Variants in PTPRD observed in about 807,000 individuals in gnomAD.
The protein encoded by PTPRD is receptor-type tyrosine-protein phosphatase delta.
PTPRD carries 34 observed loss-of-function variants against 214.5 expected under a neutral mutation model. The ratio of observed to expected loss-of-function variants is 0.16; its 90% CI spans 0.12 to 0.21. PTPRD has a LOEUF of 0.21. Among genes scored for constraint, PTPRD ranks in the 10% least tolerant of loss-of-function variants. PTPRD has a pLI of 1.00. For synonymous variants in PTPRD, 1,128 were observed against 845.7 expected (o/e 1.33, Z -5.79); for missense variants, 2,545 against 2,398.7 (o/e 1.06, Z -1.27).
At chr9:8,575,923 A>T (rs1012348621) in intron 14 of PTPRD, among the ~76,000 whole-genome samples, 23 of 152,092 alleles carry the variant, frequency 1.5e-4, no homozygotes, top group African/African-American at 5.3e-4. Context: ...TCCATAATCG[A>T]CTCTGCTATA....
At position 8,962,482 on chromosome 9, in the gene PTPRD, G is replaced by A. The variant is rs143631641; in HGVS notation, c.-104+56215C>T. ...TTGGCAGTCATCTTCCCTACCAAATGACTAAAGATAAGACATGGGGGAGGG... is the reference window on the plus strand; with the variant it reads ...TTGGCAGTCATCTTCCCTACCAAATAACTAAAGATAAGACATGGGGGAGGG... On this transcript the variant is annotated intron_variant, in intron 11 of 45. Coordinates refer to ENST00000381196, the MANE Select transcript of PTPRD (RefSeq NM_002839.4). Among the ~76,000 whole-genome samples the A allele has an allele frequency of 3.8e-3, 583 of 151,934 alleles. 1 individual carries two copies. The highest frequency in any genetic ancestry group is 5.8e-3 in the Admixed American group (88 of 15,220).
At chr9:8,430,813 A>G (rs2094996426) in intron 35 of PTPRD, among the ~76,000 whole-genome samples, 1 of 152,120 alleles carries the variant, frequency 6.6e-6, no homozygotes, top group Non-Finnish European at 1.5e-5. Flanking sequence ...TAAGAGTGCC[A>G]TCTTCTCTTC....
At position 9,633,269 on chromosome 9, in the gene PTPRD, T is replaced by C. The variant is rs958853844; in HGVS notation, c.-286-58488A>G. 2.0e-5 allele frequency among the ~76,000 whole-genome samples: 3 copies of C among 150,362 alleles called. No homozygotes were observed. The Admixed American group carries it at 2.0e-4, about 10-fold the overall frequency. ...TAGATCACACCACTGCATTCCACAC[T>C]CCAGCCTGGGAGAGAGAGTGAGACT... is the stretch of plus-strand genomic sequence containing the variant. On this transcript the variant is annotated intron_variant, in intron 7 of 45. Coordinates refer to ENST00000381196, the MANE Select transcript of PTPRD (RefSeq NM_002839.4).
intron 9 of PTPRD, among the ~76,000 whole-genome samples, chr9:9,289,485 G>A (rs1950498049): frequency 6.6e-6 from 1 of 151,676 alleles, no homozygotes; most frequent in Admixed American, 6.6e-5. Context: ...CTATTTGCAT[G>A]TGTGTGTGTG....
chr9:9,768,370 A>G (rs1459149332), intron 5 of PTPRD, among the ~76,000 whole-genome samples: 4 of 152,208 alleles, frequency 2.6e-5, no homozygotes, highest in African/African-American at 9.6e-5. Flanking sequence ...TGAAAAGTAA[A>G]ATATTAAATA....
chr9:8,938,620 T>C (rs544967473), intron 11 of PTPRD, among the ~76,000 whole-genome samples: 70 of 152,036 alleles, frequency 4.6e-4, no homozygotes, highest in Non-Finnish European at 7.8e-4. Context: ...TTCAATCTGA[T>C]AGCATTTAAT....
At chr9:9,488,095 A>C (rs2095734885) in intron 8 of PTPRD, among the ~76,000 whole-genome samples, 1 of 152,154 alleles carries the variant, frequency 6.6e-6, no homozygotes, top group African/African-American at 2.4e-5. Context: ...TTTGCAGCAG[A>C]AGAAATGGAG....
intron 11 of PTPRD, among the ~76,000 whole-genome samples, chr9:8,953,875 G>A (rs1320102715): frequency 6.6e-6 from 1 of 152,024 alleles, no homozygotes; most frequent in South Asian, 2.1e-4. Context: ...GCAAAGAAAA[G>A]GGGACACTTA....
rs184936092 is a variant in PTPRD, at chr9:10,222,014, T to A, written c.-545+118949A>T. On this transcript the variant is annotated intron_variant, in intron 3 of 45. Coordinates refer to ENST00000381196, the MANE Select transcript of PTPRD (RefSeq NM_002839.4). ...GTTACTTATATCAGAAATAGAAAAC[T>A]GTGAGAAAAAAAATGCCAGCTAAAC... 7.3e-3 allele frequency among the ~76,000 whole-genome samples: 1,107 copies of A among 150,886 alleles called. 18 individuals are homozygous for A. The highest frequency in any genetic ancestry group is 8.2e-3 in the Non-Finnish European group (554 of 67,896).
At chr9:9,545,567 A>C (rs1011625184) in intron 8 of PTPRD, among the ~76,000 whole-genome samples, 7 of 151,896 alleles carry the variant, frequency 4.6e-5, no homozygotes, top group Non-Finnish European at 8.8e-5. Context: ...AGCTATTTTA[A>C]ATATCTGTGT....
At chr9:10,023,325 C>A (rs946483969) in intron 4 of PTPRD, among the ~76,000 whole-genome samples, 1 of 152,094 alleles carries the variant, frequency 6.6e-6, no homozygotes, top group African/African-American at 2.4e-5. Context: ...GGGAAAGGAA[C>A]CTGGGCCTCT....
chr9:8,561,768 A>G (rs766004004), intron 14 of PTPRD, among the ~76,000 whole-genome samples: 1 of 144,856 alleles, frequency 6.9e-6, no homozygotes, highest in Non-Finnish European at 1.5e-5. Context: ...TTTTTTTTCC[A>G]TTCAGGAGCA....
chr9:10,478,808 T>C (rs2099079130), intron 2 of PTPRD, among the ~76,000 whole-genome samples: 1 of 151,728 alleles, frequency 6.6e-6, no homozygotes, highest in Non-Finnish European at 1.5e-5. Context: ...TGCCTATGGA[T>C]CTGAATGTTG....
chr9:10,130,864 A>T (rs1329780125), intron 3 of PTPRD, among the ~76,000 whole-genome samples: 1 of 152,158 alleles, frequency 6.6e-6, no homozygotes, highest in Non-Finnish European at 1.5e-5. Context: ...GTGACCTGGG[A>T]AACAAGGCTC....
chr9:8,357,142 CTG>C (rs2077168701), intron 39 of PTPRD, among the ~76,000 whole-genome samples: 1 of 152,194 alleles, frequency 6.6e-6, no homozygotes, highest in Non-Finnish European at 1.5e-5. Flanking sequence ...ACCCAGCATG[CTG>C]TGGGATCACA....
At chr9:9,610,179 G>A (rs1474757857) in intron 7 of PTPRD, among the ~76,000 whole-genome samples, 2 of 152,026 alleles carry the variant, frequency 1.3e-5, no homozygotes, top group Admixed American at 6.6e-5. Flanking sequence ...ATAATGTAGC[G>A]TATTTCAACG....
chr9:9,487,170 A>G (rs981607009), intron 8 of PTPRD, among the ~76,000 whole-genome samples: 9 of 152,044 alleles, frequency 5.9e-5, no homozygotes, highest in Admixed American at 5.2e-4. Flanking sequence ...TTAACTTGTC[A>G]TTTAGCATTA....
intron 11 of PTPRD, among the ~76,000 whole-genome samples, chr9:9,014,900 G>T (rs2099528010): frequency 6.6e-6 from 1 of 151,922 alleles, no homozygotes; most frequent in Non-Finnish European, 1.5e-5. Flanking sequence ...TTATTTCATT[G>T]AAAAGGGATA....
chr9:8,604,597 T>C (rs2095089240), intron 14 of PTPRD, among the ~76,000 whole-genome samples: 1 of 152,136 alleles, frequency 6.6e-6, no homozygotes, highest in African/African-American at 2.4e-5. Context: ...AAGGAACAGA[T>C]GCCAAAACCC....
Sources: allele counts gnomAD v4.1 joint callset (sites outside exome capture counted in the v4.1 genomes callset), GRCh38; gene constraint gnomAD v4.1.1; transcripts MANE v1.5; gene names NCBI Gene and HGNC (gene_info 2026-07-23, HGNC 2026-07-21).